Variants in EYA4 observed in about 807,000 individuals in gnomAD.
The protein encoded by EYA4 is EYA transcriptional coactivator and phosphatase 4, also known as protein phosphatase EYA4.
A neutral mutation model predicts 87.9 loss-of-function variants in EYA4; 31 were observed. That is an observed-to-expected ratio of 0.35 (90% CI 0.27 to 0.48). EYA4 has a LOEUF of 0.48. Among genes scored for constraint, EYA4 ranks in the 20% least tolerant of loss-of-function variants. The pLI, the probability that EYA4 is intolerant of heterozygous loss-of-function variation, is 0.99. For missense variants in EYA4, 678 were observed against 761.4 expected (o/e 0.89, Z 1.29); for synonymous variants, 263 against 270.6 (o/e 0.97, Z 0.28).
intron 11 of EYA4, among the ~76,000 whole-genome samples, chr6:133,474,122 A>G (rs1363859923): frequency 6.6e-6 from 1 of 152,046 alleles, no homozygotes; most frequent in African/African-American, 2.4e-5. Context: ...CCACAGAAGT[A>G]TTTAATTATC....
At chr6:133,346,710 G>GTT (rs1783222795) in intron 2 of EYA4, among the ~76,000 whole-genome samples, 1 of 151,380 alleles carries the variant, frequency 6.6e-6, no homozygotes, top group African/African-American at 2.4e-5. Context: ...TCATTTTCCT[G>GTT]TTCTCGGGCA....
rs949336810 is a variant in EYA4 at position 133,530,694 on chromosome 6, T to G, written c.*1889T>G. On this transcript the variant is annotated 3_prime_UTR_variant, in exon 20 of 20. Transcript: ENST00000355286. ...ATGCTAAGGCCATGTTTATATTGGG[T>G]AGAAAGATATTGAGATCCCAATTTT... 21 of 985,722 alleles carry G rather than the reference T, an allele frequency of 2.1e-5. No individual in the cohort carries two copies. The African/African-American group carries it at 3.0e-4, about 14-fold the overall frequency. The allele number at this position is 985,722 out of a possible 1,614,324, so 61.1% of individuals were successfully genotyped here. A position where few individuals can be genotyped will look rare whatever the true frequency, so the allele number is the denominator to read the frequency against.
intron 2 of EYA4, among the ~76,000 whole-genome samples, chr6:133,335,087 T>C (rs1297767640): frequency 1.3e-5 from 2 of 152,250 alleles, no homozygotes; most frequent in Non-Finnish European, 1.5e-5. Context: ...TATTTAGCTA[T>C]GGCTGATGAC....
chr6:133,272,718 A>G (rs978257960), intron 1 of EYA4, among the ~76,000 whole-genome samples: 3 of 152,140 alleles, frequency 2.0e-5, no homozygotes, highest in Non-Finnish European at 4.4e-5. Context: ...CTCAAGCACC[A>G]TTGGATCTGC....
intron 2 of EYA4, among the ~76,000 whole-genome samples, chr6:133,362,373 A>G (rs1169571662): frequency 6.6e-6 from 1 of 152,162 alleles, no homozygotes. Flanking sequence ...ATGGGTTTGT[A>G]ATGCTGATGA....
intron 2 of EYA4, among the ~76,000 whole-genome samples, chr6:133,324,656 G>C (rs1362563784): frequency 6.6e-6 from 1 of 152,032 alleles, no homozygotes; most frequent in African/African-American, 2.4e-5. Context: ...AAAGATAGGA[G>C]ACCAATACCA....
intron 2 of EYA4, among the ~76,000 whole-genome samples, chr6:133,299,951 C>CTATATATA (rs1252685993): frequency 2.4e-4 from 31 of 130,972 alleles, no homozygotes; most frequent in African/African-American, 9.7e-4. Context: ...ATCTATCTAT[C>CTATATATA]TATCTATATA....
intron 3 of EYA4, among the ~76,000 whole-genome samples, chr6:133,436,904 G>T (rs1267974787): frequency 1.3e-5 from 2 of 152,204 alleles, no homozygotes; most frequent in South Asian, 4.1e-4. Flanking sequence ...TTCAGAGTTC[G>T]AGTAGACTCT....
At chr6:133,382,514 T>C (rs886523424) in intron 3 of EYA4, 73 bp downstream of exon 3, 2 of 968,270 alleles carry the variant, frequency 2.1e-6, no homozygotes, top group South Asian at 2.6e-5. Flanking sequence ...ATGTTATACC[T>C]GAGACACAAT....
At chr6:133,418,302 G>T (rs1187783553) in intron 3 of EYA4, among the ~76,000 whole-genome samples, 6 of 152,274 alleles carry the variant, frequency 3.9e-5, no homozygotes, top group Non-Finnish European at 8.8e-5. Flanking sequence ...CTGAGTAACA[G>T]ATCACATTCT....
intron 2 of EYA4, among the ~76,000 whole-genome samples, chr6:133,308,645 C>T (rs1391686317): frequency 1.3e-5 from 2 of 152,122 alleles, no homozygotes; most frequent in Non-Finnish European, 2.9e-5. Flanking sequence ...TTTGGTTTTA[C>T]TACTTATGAG....
intron 2 of EYA4, among the ~76,000 whole-genome samples, chr6:133,322,439 T>C (rs1044413965): frequency 2.6e-5 from 4 of 152,208 alleles, no homozygotes; most frequent in African/African-American, 9.6e-5. Context: ...AAGAAACACA[T>C]GATTATTGTA....
At chr6:133,377,095 G>A (rs1785754930) in intron 2 of EYA4, among the ~76,000 whole-genome samples, 1 of 151,952 alleles carries the variant, frequency 6.6e-6, no homozygotes, top group South Asian at 2.1e-4. Context: ...TCCACTAGAG[G>A]AGGAGGTGTT....
chr6:133,525,364 T>C, intron 19 of EYA4, 110 bp downstream of exon 19: 6 of 871,906 alleles, frequency 6.9e-6, no homozygotes, highest in Non-Finnish European at 9.6e-6. Flanking sequence ...AATTTATAGA[T>C]GCAAAGCAAT....
chr6:133,385,415 G>C (rs867742912), intron 3 of EYA4, among the ~76,000 whole-genome samples: 4 of 145,782 alleles, frequency 2.7e-5, no homozygotes, highest in Admixed American at 6.9e-5. Context: ...GTGTGTGTGT[G>C]TGTGTGTGTG....
At chr6:133,508,391 T>G (rs1798834653) in intron 14 of EYA4, among the ~76,000 whole-genome samples, 2 of 152,140 alleles carry the variant, frequency 1.3e-5, no homozygotes, top group South Asian at 4.1e-4. Flanking sequence ...TTTCCACAAC[T>G]TGAATTTTTT....
chr6:133,243,089 C>CGTGTGTGTGT (rs3065226), intron 1 of EYA4, among the ~76,000 whole-genome samples: 10,941 of 145,340 alleles, frequency 0.075, 552 homozygotes, highest in African/African-American at 0.13. Flanking sequence ...GGAGCAACTT[C>CGTGTGTGTGT]GTGTGTGTGT....
chr6:133,352,742 C>A (rs1783733156), intron 2 of EYA4, among the ~76,000 whole-genome samples: 1 of 152,010 alleles, frequency 6.6e-6, no homozygotes, highest in African/African-American at 2.4e-5. Context: ...GATAATGAGG[C>A]CAGAATTGTA....
chr6:133,402,162 CACACACACACAT>C (rs1788322891), intron 3 of EYA4, among the ~76,000 whole-genome samples: 2 of 151,926 alleles, frequency 1.3e-5, no homozygotes, highest in South Asian at 4.2e-4. Flanking sequence ...GGGACACAGA[CACACACACACAT>C]ACACACACAC....
Sources: allele counts gnomAD v4.1 joint callset (sites outside exome capture counted in the v4.1 genomes callset), GRCh38; gene constraint gnomAD v4.1.1; transcripts MANE v1.5; gene names NCBI Gene and HGNC (gene_info 2026-07-23, HGNC 2026-07-21).